BTBD9: variants seen among roughly 807,000 people sequenced by gnomAD.
The protein encoded by BTBD9 is BTB domain containing 9.
A neutral mutation model predicts 64.3 loss-of-function variants in BTBD9; 49 were observed. The observed-to-expected ratio is 0.76, with a 90% CI of 0.61 to 0.97. The LOEUF (loss-of-function observed/expected upper bound fraction) is 0.97, where lower values mean the gene tolerates loss of function less well. Among genes scored for constraint, BTBD9 ranks in the 50% least tolerant of loss-of-function variants. The pLI, the probability that BTBD9 is intolerant of heterozygous loss-of-function variation, is 0.00. For synonymous variants in BTBD9, 260 were observed against 274.7 expected (o/e 0.95, Z 0.53); for missense variants, 598 against 762.1 (o/e 0.78, Z 2.53).
In BTBD9 at chr6:38,475,218, C is replaced by T. The variant is rs550770311; in HGVS notation, c.1154+102382G>A. Among the ~76,000 whole-genome samples the T allele has an allele frequency of 3.3e-4, 50 of 152,264 alleles. No homozygotes were observed. The South Asian group carries it at 6.0e-3, about 18-fold the overall frequency. On this transcript the variant is annotated intron_variant, in intron 6 of 10. Coordinates refer to ENST00000481247, the MANE Select transcript of BTBD9 (RefSeq NM_001099272.2). ...AATGAAGTACTGAATTAGTGGTCTA[C>T]GGACTATAAGATTATGGGTGATTTT...
intron 7 of BTBD9, among the ~76,000 whole-genome samples, chr6:38,320,215 G>A (rs1763180222): frequency 1.3e-5 from 2 of 152,164 alleles, no homozygotes; most frequent in South Asian, 4.1e-4. Context: ...CAGTGATATT[G>A]AGTTAACCAG....
chr6:38,300,698 C>A (rs948402055), intron 7 of BTBD9, among the ~76,000 whole-genome samples: 1 of 152,112 alleles, frequency 6.6e-6, no homozygotes, highest in Non-Finnish European at 1.5e-5. Flanking sequence ...GTGATTTTTG[C>A]ACATTGATTT....
intron 6 of BTBD9, among the ~76,000 whole-genome samples, chr6:38,489,519 G>A (rs942261854): frequency 3.9e-5 from 6 of 151,948 alleles, no homozygotes; most frequent in Admixed American, 1.3e-4. Flanking sequence ...TTCACTTAAT[G>A]TCAGCATTTT....
chr6:38,587,282 T>C, intron 4 of BTBD9: 1 of 344,510 alleles, frequency 2.9e-6, no homozygotes, highest in South Asian at 3.0e-5. Context: ...ACAAGCCCTC[T>C]TTTTCTAGGG....
intron 9 of BTBD9, among the ~76,000 whole-genome samples, chr6:38,244,951 A>T (rs1764130546): frequency 6.6e-6 from 1 of 152,246 alleles, no homozygotes; most frequent in Non-Finnish European, 1.5e-5. Flanking sequence ...TTTATGTGAC[A>T]GCATCTGAGC....
intron 6 of BTBD9, among the ~76,000 whole-genome samples, chr6:38,396,897 C>CTTTTTTTTTTTTTTTT (rs146597621): frequency 2.8e-5 from 3 of 107,398 alleles, no homozygotes; most frequent in African/African-American, 3.7e-5. Flanking sequence ...TTTTCTTTTT[C>CTTTTTTTTTTTTTTTT]TTTTTTTTTT....
chr6:38,471,323 G>A (rs956109799), intron 6 of BTBD9, among the ~76,000 whole-genome samples: 2 of 152,096 alleles, frequency 1.3e-5, no homozygotes, highest in African/African-American at 4.8e-5. Context: ...GGTGGTACTC[G>A]GCAGTGATGC....
At chr6:38,581,375 C>T (rs770708210) in intron 4 of BTBD9, among the ~76,000 whole-genome samples, 6 of 152,168 alleles carry the variant, frequency 3.9e-5, no homozygotes, top group Non-Finnish European at 5.9e-5. Context: ...ATTAATTAAT[C>T]TAGCTTATAA....
intron 7 of BTBD9, among the ~76,000 whole-genome samples, chr6:38,303,915 G>GTATATATATA (rs145671357): frequency 1.6e-5 from 2 of 128,968 alleles, no homozygotes; most frequent in African/African-American, 5.7e-5. Context: ...GTATATATGT[G>GTATATATATA]TATATATATA....
chr6:38,229,946 G>A (rs1230065724), intron 9 of BTBD9, among the ~76,000 whole-genome samples: 2 of 152,138 alleles, frequency 1.3e-5, no homozygotes, highest in East Asian at 3.8e-4. Flanking sequence ...GAAATGTTCA[G>A]GACCAAGGAC....
In BTBD9 at chr6:38,343,903, G is replaced by T. The variant is rs146359328; in HGVS notation, c.1264+1081C>A. On this transcript the variant is annotated intron_variant, in intron 7 of 10. Transcript: ENST00000481247. ...AAAATTTAGGCTACGACCATTCAAA[G>T]AGTTAATAAACATTTGCAAGTTACA... Among the ~76,000 whole-genome samples, 374 of 152,284 alleles carry T rather than the reference G, an allele frequency of 2.5e-3. 2 individuals carry two copies. Among genetic ancestry groups the T allele is most frequent in the African/African-American group, 8.5e-3 (352 of 41,560 alleles).
chr6:38,326,974 ATTCGGC>A (rs1420572489), intron 7 of BTBD9, among the ~76,000 whole-genome samples: 3 of 152,134 alleles, frequency 2.0e-5, no homozygotes, highest in Admixed American at 6.5e-5. Flanking sequence ...TCACTTTTAC[ATTCGGC>A]TTTATTACCA....
At chr6:38,211,658 C>T (rs957755178) in intron 9 of BTBD9, among the ~76,000 whole-genome samples, 1 of 151,024 alleles carries the variant, frequency 6.6e-6, no homozygotes, top group Non-Finnish European at 1.5e-5. Flanking sequence ...GCACGAGACT[C>T]GCTTGAACCC....
chr6:38,563,634 C>T lies in BTBD9; in HGVS notation c.1154+13966G>A, dbSNP rs530346416. Reference sequence around the variant, plus strand: ...AGACCTGTACGACCTGGTCATTACCCACCTTTCCTCCTCTACCTCGCTGCC... The same window carrying T: ...AGACCTGTACGACCTGGTCATTACCTACCTTTCCTCCTCTACCTCGCTGCC... On this transcript the variant is annotated intron_variant, in intron 6 of 10. Transcript: ENST00000481247. Among the ~76,000 whole-genome samples the T allele has an allele frequency of 3.3e-5, 5 of 152,256 alleles. No homozygotes were observed. In the South Asian group the frequency reaches 1.0e-3, roughly 32 times the overall value.
At position 38,594,132 on chromosome 6, in the gene BTBD9, ATCCTCTAGCTC is replaced by A; in HGVS notation, c.370_380del (p.Glu124PhefsTer4). 1.2e-6 allele frequency: 2 copies of A among 1,614,166 alleles called. No individual in the cohort carries two copies. The highest frequency in any genetic ancestry group is 1.7e-6 in the Non-Finnish European group (2 of 1,179,992). On this transcript the variant is annotated frameshift_variant, in exon 3 of 11. Transcript: ENST00000481247. LOFTEE classifies it high-confidence loss of function. ...TGGTGCAGAGATACTCAGAGGTAGA[ATCCTCTAGCTC>A]TGGAAATCCATATTTATGAGCCAGG...
At chr6:38,480,515 A>T (rs548433304) in intron 6 of BTBD9, among the ~76,000 whole-genome samples, 1 of 152,324 alleles carries the variant, frequency 6.6e-6, no homozygotes, top group Admixed American at 6.5e-5. Flanking sequence ...CATTTAAATT[A>T]AGCATGGGCC....
chr6:38,626,944 A>G (rs1778188284), intron 1 of BTBD9, among the ~76,000 whole-genome samples: 2 of 152,236 alleles, frequency 1.3e-5, no homozygotes, highest in South Asian at 4.1e-4. Context: ...AAAGAATTTA[A>G]TTACCACTGA....
intron 6 of BTBD9, among the ~76,000 whole-genome samples, chr6:38,409,695 G>A (rs966253042): frequency 5.9e-5 from 9 of 152,000 alleles, no homozygotes; most frequent in African/African-American, 7.2e-5. Context: ...ATGGTGGTCC[G>A]TGCCTGTAGT....
intron 7 of BTBD9, among the ~76,000 whole-genome samples, chr6:38,313,684 T>C (rs992971178): frequency 3.9e-5 from 6 of 152,288 alleles, no homozygotes; most frequent in Middle Eastern, 3.4e-3. Flanking sequence ...TGTTGATTGA[T>C]TTGCATATGT....
Sources: allele counts gnomAD v4.1 joint callset (sites outside exome capture counted in the v4.1 genomes callset), GRCh38; gene constraint gnomAD v4.1.1; transcripts MANE v1.5; gene names NCBI Gene and HGNC (gene_info 2026-07-23, HGNC 2026-07-21).